Variants in AAK1 observed in about 807,000 individuals in gnomAD.
AAK1 encodes AP2 associated kinase 1, also known as AP2-associated protein kinase 1.
AAK1 carries 37 observed loss-of-function variants against 116.0 expected under a neutral mutation model. That is an observed-to-expected ratio of 0.32 (90% CI 0.25 to 0.42). AAK1 has a LOEUF of 0.42. AAK1 is among the 10% of genes least tolerant of loss of function. The probability of loss-of-function intolerance (pLI) is 1.00; values close to 1 mark genes in which losing one functional copy is unlikely to be tolerated. For synonymous variants in AAK1, 458 were observed against 439.9 expected, an observed-to-expected ratio of 1.04 and a Z score of -0.51; for missense variants, 919 against 1,170.6, an observed-to-expected ratio of 0.79 and a Z score of 3.14.
chr2:69,625,770 C>T (rs1674868804), intron 2 of AAK1, among the ~76,000 whole-genome samples: 1 of 152,164 alleles, frequency 6.6e-6, no homozygotes, highest in Non-Finnish European at 1.5e-5. Flanking sequence ...AATTGATACA[C>T]TTTCATGGGC....
intron 17 of AAK1, 55 bp from the exon 18 acceptor site, chr2:69,482,867 C>G: frequency 9.1e-7 from 1 of 1,098,504 alleles, no homozygotes; most frequent in East Asian, 2.4e-5. Context: ...ATATTAAAGC[C>G]AGCGGATCAT....
chr2:69,588,517 A>G (rs10439497), intron 2 of AAK1, among the ~76,000 whole-genome samples: 16,302 of 152,200 alleles, frequency 0.11, 1,949 homozygotes, highest in African/African-American at 0.27. Context: ...GTAGATGGCT[A>G]CAGGTGACGC....
rs905567910 is a variant in AAK1, at chr2:69,458,195, C to T, written c.*17674G>A. 2.0e-5 allele frequency: 3 copies of T among 152,110 alleles called. No individual in the cohort carries two copies. Among genetic ancestry groups the T allele is most frequent in the South Asian group, 2.1e-4 (1 of 4,814 alleles). The allele number at this position is 152,110 out of a possible 1,614,324, so 9.4% of individuals were successfully genotyped here. ...CCCCTCCTTTCTCTTGTTCACAGCCCGAGATTATGTGTACATTGTTTTCTG... is the reference window on the plus strand; with the variant it reads ...CCCCTCCTTTCTCTTGTTCACAGCCTGAGATTATGTGTACATTGTTTTCTG... On this transcript the variant is annotated 3_prime_UTR_variant, in exon 22 of 22. Coordinates refer to ENST00000409085, the MANE Select transcript of AAK1 (RefSeq NM_014911.5).
chr2:69,514,395 C>T, intron 13 of AAK1, 76 bp downstream of exon 13: 1 of 1,452,150 alleles, frequency 6.9e-7, no homozygotes, highest in Non-Finnish European at 9.1e-7. Context: ...CTGCTGCCAT[C>T]TTTCCCACCC....
In AAK1 at chr2:69,475,867, G is replaced by A; in HGVS notation, c.*2C>T. On this transcript the variant is annotated 3_prime_UTR_variant, in exon 22 of 22. Transcript: ENST00000409085. ...AGAACTGCATCTGCTACTGGGTCAC[G>A]GCTACAGGTCTATGAGCTGATCCAC... is the stretch of plus-strand genomic sequence containing the variant. The A allele has an allele frequency of 6.2e-6, 10 of 1,610,568 alleles. No homozygotes were observed. Among genetic ancestry groups the A allele is most frequent in the Non-Finnish European group, 7.6e-6 (9 of 1,178,514 alleles).
rs1573041302 is a variant in AAK1, at chr2:69,643,723, A to G, written c.-383T>C. 5.0e-6 allele frequency: 6 copies of G among 1,211,566 alleles called. No homozygotes were observed. In the East Asian group the frequency reaches 2.0e-4, roughly 41 times the overall value. The allele number at this position is 1,211,566 out of a possible 1,614,324, so 75.1% of individuals were successfully genotyped here. Reference sequence around the variant, plus strand: ...CGCCCGCCCGCCAGCTGATCCCGGGAGCGCCGGGCGGAGACTGACCCGCCG... The same window carrying G: ...CGCCCGCCCGCCAGCTGATCCCGGGGGCGCCGGGCGGAGACTGACCCGCCG... On this transcript the variant is annotated 5_prime_UTR_variant, in exon 1 of 22. Transcript: ENST00000409085.
intron 17 of AAK1, among the ~76,000 whole-genome samples, chr2:69,484,511 G>A (rs1466776138): frequency 1.3e-5 from 2 of 152,056 alleles, no homozygotes; most frequent in African/African-American, 2.4e-5. Flanking sequence ...AAGGAAGGAC[G>A]GCTGGGTGCA....
intron 16 of AAK1, among the ~76,000 whole-genome samples, chr2:69,504,129 G>C (rs1295732050): frequency 6.6e-6 from 1 of 152,096 alleles, no homozygotes; most frequent in African/African-American, 2.4e-5. Flanking sequence ...GGGTGTGGTA[G>C]CTCATGCCTG....
At chr2:69,639,695 T>C (rs1490651090) in intron 2 of AAK1, among the ~76,000 whole-genome samples, 2 of 152,006 alleles carry the variant, frequency 1.3e-5, no homozygotes, top group Admixed American at 6.6e-5. Flanking sequence ...CGGAATGTGG[T>C]GGTAATCTGG....
intron 2 of AAK1, chr2:69,599,014 T>A (rs923851389): frequency 7.9e-5 from 25 of 316,640 alleles, no homozygotes; most frequent in African/African-American, 5.2e-4. Context: ...GTGTTAAAGT[T>A]GTAGAAAATT....
rs1674273694 is a variant in AAK1, at chr2:69,458,808, C to T, written c.*17061G>A. 1 of 152,600 alleles carries T rather than the reference C, an allele frequency of 6.6e-6. No homozygotes were observed. The highest frequency in any genetic ancestry group is 1.5e-5 in the Non-Finnish European group (1 of 68,038). 9.5% of individuals were successfully genotyped at this position (152,600 alleles called of 1,614,324 possible). A position where few individuals can be genotyped will look rare whatever the true frequency, so the allele number is the denominator to read the frequency against. ...GCCATTTCAGAGTGAAAAGGCTGCA[C>T]TGTCTCACCCTGCCCCCAAAGTCTA... is the stretch of plus-strand genomic sequence containing the variant. On this transcript the variant is annotated 3_prime_UTR_variant, in exon 22 of 22. Coordinates refer to ENST00000409085, the MANE Select transcript of AAK1 (RefSeq NM_014911.5).
At chr2:69,582,905 C>A (rs1037456579) in intron 2 of AAK1, among the ~76,000 whole-genome samples, 4 of 152,218 alleles carry the variant, frequency 2.6e-5, no homozygotes, top group Non-Finnish European at 5.9e-5. Flanking sequence ...CCAGTGAGAG[C>A]CCCATATTAC....
rs566529291 is a variant in AAK1 at position 69,594,838 on chromosome 2, G to T, written c.164-37860C>A. ...CAGCATTCTCTTAGACCTGCAGTTG[G>T]GCTCAACGCACTCAAGCCTTAGCAC... On this transcript the variant is annotated intron_variant, in intron 2 of 21. Coordinates refer to ENST00000409085, the MANE Select transcript of AAK1 (RefSeq NM_014911.5). The T allele has an allele frequency of 3.6e-5, 56 of 1,552,734 alleles. No homozygotes were observed. The Admixed American group carries it at 9.2e-4, about 26-fold the overall frequency.
chr2:69,633,027 C>T (rs959579572), intron 2 of AAK1, among the ~76,000 whole-genome samples: 10 of 149,014 alleles, frequency 6.7e-5, no homozygotes, highest in Middle Eastern at 3.5e-3. Flanking sequence ...AGCAAGACTC[C>T]GTCTCAATAA....
chr2:69,613,625 A>C (rs1273446404), intron 2 of AAK1, among the ~76,000 whole-genome samples: 3 of 152,342 alleles, frequency 2.0e-5, no homozygotes, highest in African/African-American at 7.2e-5. Flanking sequence ...CTATGTAATA[A>C]AGCCTCCATA....
chr2:69,491,294 C>G (rs887038091), intron 17 of AAK1, among the ~76,000 whole-genome samples: 1 of 151,980 alleles, frequency 6.6e-6, no homozygotes, highest in Non-Finnish European at 1.5e-5. Flanking sequence ...TATCTGTTTC[C>G]TAATGCATAC....
At chr2:69,628,401 C>T (rs183501182) in intron 2 of AAK1, among the ~76,000 whole-genome samples, 56 of 152,164 alleles carry the variant, frequency 3.7e-4, no homozygotes, top group Non-Finnish European at 6.2e-4. Flanking sequence ...ACTTAAAAAC[C>T]ATGTTTGCAC....
At chr2:69,500,686 TATATATATATATACAC>T (rs1297762467) in intron 16 of AAK1, among the ~76,000 whole-genome samples, 43 of 110,464 alleles carry the variant, frequency 3.9e-4, no homozygotes, top group African/African-American at 1.6e-3. Flanking sequence ...TATATATATA[TATATATATATATACAC>T]ACACACACAC....
intron 2 of AAK1, among the ~76,000 whole-genome samples, chr2:69,604,303 T>C (rs944618604): frequency 1.3e-5 from 2 of 152,202 alleles, no homozygotes; most frequent in African/African-American, 4.8e-5. Flanking sequence ...TCTTTCGTGT[T>C]GTCATGAACT....
Sources: gnomAD v4.1 joint callset for allele counts (sites outside exome capture counted in the v4.1 genomes callset) on GRCh38, gnomAD v4.1.1 for gene constraint, MANE v1.5 for transcripts, NCBI Gene and HGNC (gene_info 2026-07-23, HGNC 2026-07-21) for gene names.